BBS12: variants seen among roughly 807,000 people sequenced by gnomAD.
The protein encoded by BBS12 is Bardet-Biedl syndrome 12.
A neutral mutation model predicts 5.6 loss-of-function variants in BBS12; 5 were observed. The observed-to-expected ratio is 0.89, with a 90% CI of 0.46 to 1.86. BBS12 has a LOEUF of 1.86. Ranked by LOEUF, BBS12 falls within the 40% of genes most tolerant of loss-of-function variation. The pLI is 0.01. For synonymous variants in BBS12, 308 were observed against 306.8 expected, an observed-to-expected ratio of 1.00 and a Z score of -0.04; for missense variants, 748 against 830.4, an observed-to-expected ratio of 0.90 and a Z score of 1.22.
At chr4:122,716,667 ATATGTG>A in the BBS12 span, among the ~76,000 whole-genome samples, 2 of 77,418 alleles carry the variant, frequency 2.6e-5, no homozygotes, top group South Asian at 1.2e-3. Context: ...GCACATACAC[ATATGTG>A]TATATATACA....
chr4:122,732,652 T>C (rs139110565), upstream of BBS12: 1 of 152,526 alleles, frequency 6.6e-6, no homozygotes, highest in East Asian at 1.9e-4. Flanking sequence ...TAGCGTGACG[T>C]CCCCGCCTTT....
chr4:122,742,967 A>G lies in BBS12; in HGVS notation c.1075A>G (p.Ile359Val). ...LQNQPVRIVL[I>V]EGDLTENYRH... ...GAATCAGCCTGTGCGAATAGTTCTCATTGAGGGTGACCTCACAGAGAATTA... is the reference window on the plus strand; with the variant it reads ...GAATCAGCCTGTGCGAATAGTTCTCGTTGAGGGTGACCTCACAGAGAATTA... The change falls in exon 2 of 2, where the codon ATT becomes GTT. Residue 359 changes from isoleucine (I) to valine (V), a missense_variant. Ile to Val is a conservative substitution (Grantham distance 29). Coordinates refer to ENST00000314218, the MANE Select transcript of BBS12 (RefSeq NM_152618.3). The G allele has an allele frequency of 6.2e-7, 1 of 1,613,446 alleles. No homozygotes were observed. Among genetic ancestry groups the G allele is most frequent in the East Asian group, 2.2e-5 (1 of 44,882 alleles).
At position 122,741,916 on chromosome 4, in the gene BBS12, A is replaced by G; in HGVS notation, c.24A>G (p.Val8=). Residue 8 remains valine, a synonymous_variant, in exon 2 of 2, where the codon GTA becomes GTG. Transcript: ENST00000314218. ...ACATGGTGATGGCTTGCAGAGTCGT[A>G]AACAAAAGAAGACACATGGGACTTC... MVMACRV[V]NKRRHMGLQQ... 1 of 1,614,186 alleles carries G rather than the reference A, an allele frequency of 6.2e-7. No individual in the cohort carries two copies. Among genetic ancestry groups the G allele is most frequent in the Non-Finnish European group, 8.5e-7 (1 of 1,180,028 alleles).
In BBS12 at chr4:122,742,474, T is replaced by A. The variant is rs752069628; in HGVS notation, c.582T>A (p.Leu194=). The A allele has an allele frequency of 1.9e-6, 3 of 1,614,144 alleles. No individual in the cohort carries two copies. The African/African-American group carries it at 4.0e-5, about 22-fold the overall frequency. ...LTISNLSGRP[L]KSYELFKPQT... Reference sequence around the variant, plus strand: ...TTTCCAACCTTTCTGGGAGACCTCTTAAATCATATGAATTATTTAAACCTC... The same window carrying A: ...TTTCCAACCTTTCTGGGAGACCTCTAAAATCATATGAATTATTTAAACCTC... Residue 194 remains leucine (L), a synonymous_variant, in exon 2 of 2, where the codon CTT becomes CTA. Coordinates refer to ENST00000314218, the MANE Select transcript of BBS12 (RefSeq NM_152618.3).
intron 1 of BBS12, among the ~76,000 whole-genome samples, chr4:122,733,426 T>C (rs13128820): frequency 0.1 from 9,023 of 88,032 alleles, 617 homozygotes; most frequent in Non-Finnish European, 0.15. Context: ...CACACACACA[T>C]CCAGCCATTT....
the BBS12 span, among the ~76,000 whole-genome samples, chr4:122,716,687 A>ACG: frequency 1.1e-4 from 10 of 87,960 alleles, no homozygotes; most frequent in African/African-American, 4.5e-4. Flanking sequence ...ATATACACAT[A>ACG]TGTGTATGTG....
chr4:122,727,544 A>ATTTTT, the BBS12 span, among the ~76,000 whole-genome samples: 46 of 82,290 alleles, frequency 5.6e-4, 8 homozygotes, highest in East Asian at 2.8e-3. Flanking sequence ...CCCCTGGCCA[A>ATTTTT]TTTTTTTTTT....
the BBS12 span, among the ~76,000 whole-genome samples, chr4:122,717,831 C>T: frequency 2.0e-5 from 3 of 152,190 alleles, no homozygotes; most frequent in African/African-American, 7.2e-5. Context: ...AGCCACTTTT[C>T]TGCTTTTCTC....
chr4:122,724,994 C>A, the BBS12 span, among the ~76,000 whole-genome samples: 1 of 152,012 alleles, frequency 6.6e-6, no homozygotes, highest in Non-Finnish European at 1.5e-5. Context: ...AATATCCTTT[C>A]TTTTTTTACT....
At chr4:122,739,944 G>A (rs1800841181) in intron 1 of BBS12, among the ~76,000 whole-genome samples, 1 of 152,202 alleles carries the variant, frequency 6.6e-6, no homozygotes, top group African/African-American at 2.4e-5. Context: ...AGTGAATGAA[G>A]ACTTTGACAG....
intron 1 of BBS12, among the ~76,000 whole-genome samples, chr4:122,738,912 A>C (rs536376557): frequency 6.6e-6 from 1 of 152,344 alleles, no homozygotes; most frequent in South Asian, 2.1e-4. Context: ...ATGTCCTTCT[A>C]GCATCTCAAA....
chr4:122,702,954 G>A, the BBS12 span, among the ~76,000 whole-genome samples: 2 of 152,166 alleles, frequency 1.3e-5, no homozygotes, highest in Non-Finnish European at 1.5e-5. Context: ...TAACCAAAAC[G>A]GGCTAAAAAT....
chr4:122,701,414 C>A, the BBS12 span, among the ~76,000 whole-genome samples: 2 of 131,812 alleles, frequency 1.5e-5, no homozygotes, highest in East Asian at 5.0e-4. Flanking sequence ...TATAACATAA[C>A]TTACGGATTC....
chr4:122,737,503 ATAC>A (rs1447344151), intron 1 of BBS12, among the ~76,000 whole-genome samples: 1 of 152,226 alleles, frequency 6.6e-6, no homozygotes, highest in African/African-American at 2.4e-5. Flanking sequence ...TTGTGAATGA[ATAC>A]TACATTACAT....
chr4:122,708,821 G>T, the BBS12 span, among the ~76,000 whole-genome samples: 2 of 151,968 alleles, frequency 1.3e-5, no homozygotes, highest in Non-Finnish European at 1.5e-5. Flanking sequence ...CATTAAAAAT[G>T]ATATTAATAA....
Position 122,743,979 on chromosome 4 carries a change from A to G in BBS12, c.2087A>G (p.His696Arg), listed in dbSNP as rs747053551. 5 of 1,613,964 alleles carry G rather than the reference A, an allele frequency of 3.1e-6. No homozygotes were observed. The highest frequency in any genetic ancestry group is 2.2e-5 in the East Asian group (1 of 44,898). ...TDSEIITGHG[H>R]TQINSQELTG... is the part of the protein sequence containing the mutation. ...AGTGAAATAATTACTGGACATGGACACACACAGATAAATTCACAGGAATTA... is the reference window on the plus strand; with the variant it reads ...AGTGAAATAATTACTGGACATGGACGCACACAGATAAATTCACAGGAATTA... The change falls in exon 2 of 2, where the codon CAC (histidine) becomes CGC (arginine). Residue 696 changes from histidine (H) to arginine (R), a missense_variant. His to Arg is a conservative substitution (Grantham distance 29). Transcript: ENST00000314218.
chr4:122,701,502 A>G, the BBS12 span, among the ~76,000 whole-genome samples: 17 of 152,252 alleles, frequency 1.1e-4, no homozygotes, highest in African/African-American at 3.9e-4. Flanking sequence ...AGATCTAGAC[A>G]TGCACAAATG....
chr4:122,703,478 G>A, the BBS12 span, among the ~76,000 whole-genome samples: 19 of 152,200 alleles, frequency 1.2e-4, no homozygotes, highest in South Asian at 8.3e-4. Context: ...GAAGTTTGAC[G>A]TTAGAGTGAG....
chr4:122,743,107 C>G lies in BBS12; in HGVS notation c.1215C>G (p.Ile405Met). 1 of 1,614,234 alleles carries G rather than the reference C, an allele frequency of 6.2e-7. No homozygotes were observed. Among genetic ancestry groups the G allele is most frequent in the Non-Finnish European group, 8.5e-7 (1 of 1,180,052 alleles). Reference protein sequence around the residue: ...LWANHVLQVLIQFKVNLVLVQ... With the variant: ...LWANHVLQVLMQFKVNLVLVQ... ...CAAATCACGTGTTACAGGTGTTAATCCAGTTCAAGGTGAACCTTGTCCTGG... is the reference window on the plus strand; with the variant it reads ...CAAATCACGTGTTACAGGTGTTAATGCAGTTCAAGGTGAACCTTGTCCTGG... Residue 405 changes from isoleucine to methionine, a missense_variant, in exon 2 of 2, where the codon ATC (isoleucine) becomes ATG (methionine). Physicochemically the swap from Ile to Met is conservative, Grantham distance 10 (BLOSUM62 1). Transcript: ENST00000314218.
Sources: allele counts gnomAD v4.1 joint callset (sites outside exome capture counted in the v4.1 genomes callset), GRCh38; gene constraint gnomAD v4.1.1; transcripts MANE v1.5; gene names NCBI Gene and HGNC (gene_info 2026-07-23, HGNC 2026-07-21).